The following HECTD4 variants were observed in gnomAD, a reference collection of about 807,000 sequenced individuals.
HECTD4 encodes HECT domain E3 ubiquitin protein ligase 4, also known as probable E3 ubiquitin-protein ligase HECTD4.
Under a neutral mutation model 471.5 loss-of-function variants are expected in HECTD4, and 114 were observed. That is an observed-to-expected ratio of 0.24 (90% CI 0.21 to 0.28). The LOEUF (loss-of-function observed/expected upper bound fraction) is 0.28. Ranked by LOEUF, HECTD4 falls within the 10% of genes least tolerant of loss-of-function variation. HECTD4 has a pLI of 1.00. For synonymous variants in HECTD4, 2,012 were observed against 2,256.0 expected, an observed-to-expected ratio of 0.89 and a Z score of 3.07; for missense variants, 3,866 against 5,651.5, an observed-to-expected ratio of 0.68 and a Z score of 10.13.
chr12:112,315,373 A>G (rs776382722), intron 2 of HECTD4, among the ~76,000 whole-genome samples: 4 of 152,184 alleles, frequency 2.6e-5, no homozygotes, highest in Non-Finnish European at 4.4e-5. Context: ...ACGCAGAACC[A>G]AGTAGGCCTA....
intron 21 of HECTD4, among the ~76,000 whole-genome samples, chr12:112,255,967 A>G (rs1029905278): frequency 6.6e-6 from 1 of 152,226 alleles, no homozygotes; most frequent in Non-Finnish European, 1.5e-5. Flanking sequence ...ACCTTTCTAG[A>G]TGAATGGACA....
rs2135576187 is a variant in HECTD4 at position 112,239,798 on chromosome 12, A to G, written c.5105+83T>C. ...CTGGATAATGAAAGCAAAAAATCCAATTTTTAAAATTAAAAATACTTTCAC... is the reference window on the plus strand; with the variant it reads ...CTGGATAATGAAAGCAAAAAATCCAGTTTTTAAAATTAAAAATACTTTCAC... On this transcript the variant is annotated intron_variant, in intron 33 of 75. Coordinates refer to ENST00000682272, the MANE Select transcript of HECTD4 (RefSeq NM_001388303.1). The surrounding 1 kb of genome is among the most constrained non-coding windows in gnomAD (Gnocchi z 4.9). The G allele has an allele frequency of 7.2e-7, 1 of 1,380,022 alleles. No homozygotes were observed. The highest frequency in any genetic ancestry group is 9.7e-7 in the Non-Finnish European group (1 of 1,028,310). The allele number at this position is 1,380,022 out of a possible 1,614,324, so 85.5% of individuals were successfully genotyped here. A position where few individuals can be genotyped will look rare whatever the true frequency, so the allele number is the denominator to read the frequency against.
At chr12:112,310,720 A>G (rs926570321) in intron 4 of HECTD4, among the ~76,000 whole-genome samples, 1 of 152,224 alleles carries the variant, frequency 6.6e-6, no homozygotes, top group Non-Finnish European at 1.5e-5. Flanking sequence ...GTGGGTAACC[A>G]TTTTTAAAAC....
At chr12:112,190,603 G>A (rs2032044990) in intron 60 of HECTD4, among the ~76,000 whole-genome samples, 183 bp downstream of exon 60, 1 of 152,164 alleles carries the variant, frequency 6.6e-6, no homozygotes, top group Non-Finnish European at 1.5e-5. Context: ...GGATTTGGGA[G>A]TCTAGGTTGT....
intron 1 of HECTD4, among the ~76,000 whole-genome samples, chr12:112,324,320 A>C (rs2035698852): frequency 6.6e-6 from 1 of 150,826 alleles, no homozygotes; most frequent in Admixed American, 6.6e-5. Flanking sequence ...GGGTCTCCCT[A>C]CATTGCCCAG....
At chr12:112,222,632 A>T (rs2033131146) in intron 44 of HECTD4, among the ~76,000 whole-genome samples, 1 of 152,146 alleles carries the variant, frequency 6.6e-6, no homozygotes, top group Non-Finnish European at 1.5e-5. Context: ...GTGCCACCGC[A>T]CTCCAGCCTG....
At position 112,306,078 on chromosome 12, in the gene HECTD4, T is replaced by C. The variant is rs1445754183; in HGVS notation, c.1321A>G (p.Ile441Val). 29 of 1,597,078 alleles carry C rather than the reference T, an allele frequency of 1.8e-5. No individual in the cohort carries two copies. Among genetic ancestry groups the C allele is most frequent in the Non-Finnish European group, 2.3e-5 (27 of 1,175,456 alleles). ...TPKGHSVFMD[I>V]FELVVENGVF... ...TTCAAACTTACCACAAGTTCAAAAATGTCCATGAAGACAGAATGTCCCTTC... is the reference window on the plus strand; with the variant it reads ...TTCAAACTTACCACAAGTTCAAAAACGTCCATGAAGACAGAATGTCCCTTC... The change falls in exon 7 of 76, where the codon ATT becomes GTT. Residue 441 changes from isoleucine (I) to valine (V), a missense_variant. Around this residue, in one of 16 missense-constraint regions of HECTD4, gnomAD observed 440 missense variants for 636.0 expected, o/e 0.69. Transcript: ENST00000682272.
At chr12:112,296,920 A>C (rs1181589927) in intron 7 of HECTD4, among the ~76,000 whole-genome samples, 1 of 145,088 alleles carries the variant, frequency 6.9e-6, no homozygotes, top group African/African-American at 2.6e-5. Context: ...GTAGGTGCAG[A>C]GGGTGTAGGT....
chr12:112,254,467 T>C (rs2033963374), intron 21 of HECTD4, among the ~76,000 whole-genome samples: 1 of 152,210 alleles, frequency 6.6e-6, no homozygotes, highest in South Asian at 2.1e-4. Context: ...TACTCAGTTA[T>C]TGTACATCAA....
In HECTD4 at chr12:112,192,703, T is replaced by G. The variant is rs2032120022; in HGVS notation, c.9149A>C (p.Lys3050Thr). 6.2e-7 allele frequency: 1 copy of G among 1,600,986 alleles called. No individual in the cohort carries two copies. Among genetic ancestry groups the G allele is most frequent in the African/African-American group, 1.3e-5 (1 of 74,724 alleles). ...VLVYGLGHKV[K>T]RNGQLNLIEA... ...GATGAGGTTCAGCTGGCCATTTCGC[T>G]TCACTTTGTGGCCGAGGCCATATAC... Residue 3050 changes from lysine to threonine, a missense_variant, in exon 59 of 76, where the codon AAG becomes ACG. Lys to Thr is a moderately conservative substitution (Grantham distance 78). This residue lies in a region of HECTD4 where 364 missense variants were observed against 413.2 expected (regional missense o/e 0.88). Transcript: ENST00000682272.
At chr12:112,359,181 T>C (rs542910034) in intron 1 of HECTD4, among the ~76,000 whole-genome samples, 2 of 145,096 alleles carry the variant, frequency 1.4e-5, no homozygotes, top group South Asian at 4.3e-4. Flanking sequence ...AGACTCCGTC[T>C]CAAAAAAAAA....
chr12:112,379,168 A>C (rs1299355837), intron 1 of HECTD4, among the ~76,000 whole-genome samples: 1 of 152,242 alleles, frequency 6.6e-6, no homozygotes, highest in Non-Finnish European at 1.5e-5. Flanking sequence ...ATTGCAAATA[A>C]AAATACTATA....
At chr12:112,229,090 GT>G (rs1336977562) in intron 41 of HECTD4, among the ~76,000 whole-genome samples, 3 of 152,174 alleles carry the variant, frequency 2.0e-5, no homozygotes, top group African/African-American at 7.2e-5. Flanking sequence ...ATTTTGGGAG[GT>G]TGAGGCAGGT....
intron 47 of HECTD4, 56 bp from the exon 48 acceptor site, chr12:112,216,427 C>A: frequency 8.2e-7 from 1 of 1,215,388 alleles, no homozygotes; most frequent in Non-Finnish European, 1.2e-6. Flanking sequence ...CCTCACTGGC[C>A]AACACACAAA....
intron 51 of HECTD4, 148 bp downstream of exon 51, chr12:112,208,346 G>T (rs2032657474): frequency 1.2e-6 from 1 of 814,684 alleles, no homozygotes; most frequent in Non-Finnish European, 1.8e-6. Context: ...AACACTCTAA[G>T]GTCACTGTTC....
At chr12:112,171,001 T>C in intron 68 of HECTD4, 116 bp downstream of exon 68, 2 of 788,040 alleles carry the variant, frequency 2.5e-6, no homozygotes, top group Admixed American at 6.2e-5. Context: ...AAGGTTGAGG[T>C]GGGGTGGCAT....
intron 9 of HECTD4, among the ~76,000 whole-genome samples, chr12:112,278,718 C>A (rs537156537): frequency 6.6e-6 from 1 of 152,172 alleles, no homozygotes; most frequent in African/African-American, 2.4e-5. Flanking sequence ...CATGGCGAAA[C>A]GCCATCTCTA....
intron 65 of HECTD4, 109 bp downstream of exon 65, chr12:112,176,487 C>T: frequency 2.7e-6 from 2 of 741,196 alleles, no homozygotes; most frequent in Non-Finnish European, 4.8e-6. Context: ...GAGGCCATCC[C>T]AGTAGGAGTG....
chr12:112,174,416 C>A (rs1401572034), intron 66 of HECTD4, among the ~76,000 whole-genome samples: 1 of 150,880 alleles, frequency 6.6e-6, no homozygotes, highest in Non-Finnish European at 1.5e-5. Context: ...CAAGCACCTA[C>A]CACCACACCT....
Sources: gnomAD v4.1 joint callset for allele counts (sites outside exome capture counted in the v4.1 genomes callset) on GRCh38, gnomAD v4.1.1 for gene constraint, gnomAD v4.1.1 regional missense constraint, Gnocchi (gnomAD v3.1) non-coding constraint, MANE v1.5 for transcripts, NCBI Gene and HGNC (gene_info 2026-07-23, HGNC 2026-07-21) for gene names.